The following MEF2A variants were observed in gnomAD, a reference collection of about 807,000 sequenced individuals.
MEF2A encodes myocyte-specific enhancer factor 2A.
MEF2A carries 28 observed loss-of-function variants against 55.8 expected under a neutral mutation model. That is an observed-to-expected ratio of 0.50 (90% confidence interval 0.37 to 0.69). MEF2A has a LOEUF of 0.69. MEF2A is among the 30% of genes least tolerant of loss of function. The pLI is 0.00. For synonymous variants in MEF2A, 239 were observed against 227.1 expected (o/e 1.05, Z -0.47); for missense variants, 528 against 626.2 (o/e 0.84, Z 1.67).
At chr15:99,666,476 G>A (rs1009916557) in intron 4 of MEF2A, among the ~76,000 whole-genome samples, 2 of 151,762 alleles carry the variant, frequency 1.3e-5, no homozygotes, top group Non-Finnish European at 2.9e-5. Context: ...GTAGAAGTAC[G>A]TAATGTAGAT....
At chr15:99,644,397 TTTG>T (rs1175218762) in intron 3 of MEF2A, among the ~76,000 whole-genome samples, 1 of 152,296 alleles carries the variant, frequency 6.6e-6, no homozygotes. Flanking sequence ...TGAAATGAAT[TTTG>T]TTGTTGTTTT....
intron 1 of MEF2A, among the ~76,000 whole-genome samples, chr15:99,567,318 G>A (rs1960097406): frequency 6.6e-6 from 1 of 152,204 alleles, no homozygotes. Flanking sequence ...TTTTAGCACA[G>A]TATGTTTCCC....
Position 99,658,234 on chromosome 15 carries a change from T to C in MEF2A, c.258+12470T>C, listed in dbSNP as rs573068888. 2.6e-5 allele frequency among the ~76,000 whole-genome samples: 4 copies of C among 152,274 alleles called. No homozygotes were observed. In the East Asian group the frequency reaches 7.7e-4, roughly 29 times the overall value. On this transcript the variant is annotated intron_variant, in intron 4 of 11. Coordinates refer to ENST00000557942, the MANE Select transcript of MEF2A (RefSeq NM_001319206.4). The stretch of plus-strand genomic sequence containing the variant: ...TAGGAAACAGGAAGTTATATAGGAA[T>C]TGACATAGCAGAGTTGAATGAAATA...
In MEF2A at chr15:99,712,736, G is replaced by A. The variant is rs1306816502; in HGVS notation, c.1483G>A (p.Val495Ile). 10 of 1,563,110 alleles carry A rather than the reference G, an allele frequency of 6.4e-6. No homozygotes were observed. The South Asian group carries it at 1.2e-4, about 18-fold the overall frequency. Reference protein sequence around the residue: ...PNTEDRESPSVKRMRMDAWVT With the variant: ...PNTEDRESPSIKRMRMDAWVT ...CACTGAGGACAGAGAAAGCCCTTCT[G>A]TAAAGCGAATGAGGATGGACGCGTG... The change falls in exon 12 of 12, where the codon GTA becomes ATA. Residue 495 changes from valine to isoleucine, a missense_variant. Val to Ile is a conservative substitution (Grantham distance 29). Coordinates refer to ENST00000557942, the MANE Select transcript of MEF2A (RefSeq NM_001319206.4). This position sits in a 1 kb window ranked among gnomAD's most constrained non-coding sequence, Gnocchi z 4.1.
Position 99,575,117 on chromosome 15 carries a change from T to C in MEF2A, c.-225+9013T>C, listed in dbSNP as rs201936739. On this transcript the variant is annotated intron_variant, in intron 1 of 11. Coordinates refer to ENST00000557942, the MANE Select transcript of MEF2A (RefSeq NM_001319206.4). ...TGAGAGGAGGTTGCACACATCAAGT[T>C]CCCTTACCCCTAAATACTTCAACTG... Among the ~76,000 whole-genome samples the C allele has an allele frequency of 9.2e-5, 14 of 152,152 alleles. No individual in the cohort carries two copies. In the East Asian group the frequency reaches 2.7e-3, roughly 29 times the overall value.
At chr15:99,642,251 C>A (rs2153461826) in intron 3 of MEF2A, among the ~76,000 whole-genome samples, 1 of 152,216 alleles carries the variant, frequency 6.6e-6, no homozygotes, top group East Asian at 1.9e-4. Flanking sequence ...TCACTCACTT[C>A]CTTCCTTGGT....
At chr15:99,652,130 G>T (rs2046949384) in intron 4 of MEF2A, among the ~76,000 whole-genome samples, 1 of 152,198 alleles carries the variant, frequency 6.6e-6, no homozygotes, top group Non-Finnish European at 1.5e-5. Context: ...CTCTAGAGGT[G>T]ATGCTATCAC....
intron 7 of MEF2A, among the ~76,000 whole-genome samples, chr15:99,689,612 C>T (rs2054972124): frequency 6.6e-6 from 1 of 152,152 alleles, no homozygotes; most frequent in South Asian, 2.1e-4. Context: ...TCCTGAGTAG[C>T]TGGGATCACA....
At chr15:99,661,859 A>G (rs2048700430) in intron 4 of MEF2A, among the ~76,000 whole-genome samples, 3 of 152,130 alleles carry the variant, frequency 2.0e-5, no homozygotes, top group African/African-American at 7.2e-5. Flanking sequence ...ATTTTTATAG[A>G]TTCAAAAGAT....
At chr15:99,577,373 A>G (rs1389656856) in intron 1 of MEF2A, among the ~76,000 whole-genome samples, 3 of 151,984 alleles carry the variant, frequency 2.0e-5, no homozygotes, top group Non-Finnish European at 4.4e-5. Context: ...TGGTAACTTC[A>G]TTACTTTATT....
At chr15:99,683,415 T>C (rs1436362338) in intron 7 of MEF2A, among the ~76,000 whole-genome samples, 1 of 152,100 alleles carries the variant, frequency 6.6e-6, no homozygotes, top group Non-Finnish European at 1.5e-5. Flanking sequence ...AGAAATTCTT[T>C]TGTTTGTTTG....
intron 1 of MEF2A, among the ~76,000 whole-genome samples, chr15:99,595,370 A>AT (rs982183413): frequency 9.2e-5 from 14 of 151,372 alleles, no homozygotes; most frequent in African/African-American, 2.7e-4. Flanking sequence ...TCCCTGCTTA[A>AT]TTTTTTTTTC....
intron 1 of MEF2A, among the ~76,000 whole-genome samples, chr15:99,590,588 TG>T (rs1299654134): frequency 6.6e-6 from 1 of 151,796 alleles, no homozygotes; most frequent in East Asian, 1.9e-4. Flanking sequence ...ATACCTTTTT[TG>T]GATTACATAT....
chr15:99,662,652 A>G (rs1026404845), intron 4 of MEF2A, among the ~76,000 whole-genome samples: 1 of 151,928 alleles, frequency 6.6e-6, no homozygotes, highest in Admixed American at 6.6e-5. Flanking sequence ...ATTTTTTTGT[A>G]TTTGGAGTAG....
rs560053652 is a variant in MEF2A, at chr15:99,633,046, A to G, written c.-74A>G. 4.4e-5 allele frequency: 55 copies of G among 1,250,122 alleles called. No homozygotes were observed. The East Asian group carries it at 1.3e-3, about 30-fold the overall frequency. The allele number at this position is 1,250,122 out of a possible 1,614,324, so 77.4% of individuals were successfully genotyped here. ...AAATAACAGAAGCTGTGTACGATGC[A>G]TTAGGGTATTGAAGAAAATTAACTT... On this transcript the variant is annotated 5_prime_UTR_variant, in exon 3 of 12. Coordinates refer to ENST00000557942, the MANE Select transcript of MEF2A (RefSeq NM_001319206.4).
At position 99,716,327 on chromosome 15, in the gene MEF2A, A is replaced by G; in HGVS notation, c.*3556A>G. On this transcript the variant is annotated 3_prime_UTR_variant, in exon 12 of 12. Coordinates refer to ENST00000557942, the MANE Select transcript of MEF2A (RefSeq NM_001319206.4). ...CCTTGAGATGAACCTTTTAAGAAAAATAAGTTAATCTCAATTTTTCCCTGA... is the reference window on the plus strand; with the variant it reads ...CCTTGAGATGAACCTTTTAAGAAAAGTAAGTTAATCTCAATTTTTCCCTGA... 2.9e-6 allele frequency: 1 copy of G among 349,584 alleles called. No individual in the cohort carries two copies. Among genetic ancestry groups the G allele is most frequent in the East Asian group, 7.5e-5 (1 of 13,326 alleles). 21.7% of individuals were successfully genotyped at this position (349,584 alleles called of 1,614,324 possible).
At chr15:99,566,133 C>G (rs1483311162) in intron 1 of MEF2A, 29 bp downstream of exon 1, 2 of 151,256 alleles carry the variant, frequency 1.3e-5, no homozygotes, top group African/African-American at 4.9e-5. Flanking sequence ...GGGGCTCAGT[C>G]CGCGACGCCG....
intron 1 of MEF2A, among the ~76,000 whole-genome samples, chr15:99,587,501 A>G (rs888045881): frequency 6.6e-6 from 1 of 152,036 alleles, no homozygotes; most frequent in African/African-American, 2.4e-5. Context: ...TTTGACTTAG[A>G]TTGTGTTGAA....
chr15:99,588,162 G>A (rs1967995955), intron 1 of MEF2A, among the ~76,000 whole-genome samples: 1 of 152,190 alleles, frequency 6.6e-6, no homozygotes, highest in African/African-American at 2.4e-5. Context: ...TGTTGCCCAG[G>A]CTGTTGTACA....
Sources: allele counts gnomAD v4.1 joint callset (sites outside exome capture counted in the v4.1 genomes callset), GRCh38; gene constraint gnomAD v4.1.1; non-coding constraint Gnocchi (gnomAD v3.1); transcripts MANE v1.5; gene names NCBI Gene and HGNC (gene_info 2026-07-23, HGNC 2026-07-21).